SRD5A2: variants seen among roughly 807,000 people sequenced by gnomAD.
SRD5A2 encodes the protein 3-oxo-5-alpha-steroid 4-dehydrogenase 2.
A neutral mutation model predicts 27.4 loss-of-function variants in SRD5A2; 30 were observed. The ratio of observed to expected loss-of-function variants is 1.10; its 90% CI spans 0.82 to 1.49. The LOEUF (loss-of-function observed/expected upper bound fraction) is 1.49. Ranked by LOEUF, SRD5A2 falls within the 40% of genes most tolerant of loss-of-function variation. The probability of loss-of-function intolerance (pLI) is 0.00; values close to 1 mark genes in which losing one functional copy is unlikely to be tolerated. For missense variants in SRD5A2, 348 were observed against 323.4 expected (o/e 1.08, Z -0.58); for synonymous variants, 141 against 133.6 (o/e 1.06, Z -0.38).
the SRD5A2 span, among the ~76,000 whole-genome samples, chr2:31,591,509 C>T: frequency 6.6e-6 from 1 of 151,930 alleles, no homozygotes; most frequent in Admixed American, 6.6e-5. Flanking sequence ...CTAGTTCAAC[C>T]ATTGTGGAAG....
At chr2:31,580,539 G>C (rs1030465983) in intron 1 of SRD5A2, 81 bp downstream of exon 1, 2 of 1,410,562 alleles carry the variant, frequency 1.4e-6, no homozygotes, top group South Asian at 3.0e-5. Flanking sequence ...GCGTTCCTCG[G>C]TGCGCGCTCC....
chr2:31,533,820 C>G (rs889533597), intron 1 of SRD5A2, 54 bp from the exon 2 acceptor site: 107 of 1,542,640 alleles, frequency 6.9e-5, no homozygotes, highest in Non-Finnish European at 8.6e-5. Flanking sequence ...AGAACATGGT[C>G]TCATCCCCAC....
intron 3 of SRD5A2, among the ~76,000 whole-genome samples, chr2:31,530,994 C>T (rs758835693): frequency 9.9e-5 from 15 of 152,196 alleles, no homozygotes; most frequent in Non-Finnish European, 1.8e-4. Flanking sequence ...GGAGGGGACA[C>T]ATTTATTGGC....
chr2:31,646,657 A>AC, the SRD5A2 span, among the ~76,000 whole-genome samples: 5 of 152,164 alleles, frequency 3.3e-5, no homozygotes, highest in Admixed American at 3.3e-4. Context: ...GAAGAAGAGA[A>AC]CAAATATGAG....
chr2:31,569,080 G>A (rs1000548715), intron 1 of SRD5A2, among the ~76,000 whole-genome samples: 4 of 152,298 alleles, frequency 2.6e-5, no homozygotes, highest in East Asian at 1.9e-4. Context: ...CTGCAGCTGC[G>A]CCAAGGAGCA....
chr2:31,627,041 T>C, the SRD5A2 span, among the ~76,000 whole-genome samples: 3 of 151,900 alleles, frequency 2.0e-5, no homozygotes, highest in Non-Finnish European at 4.4e-5. Flanking sequence ...TCAGAACCTG[T>C]TATTGGTCTA....
At position 31,564,532 on chromosome 2, in the gene SRD5A2, C is replaced by T. The variant is rs181962411; in HGVS notation, c.281+16088G>A. On this transcript the variant is annotated intron_variant, in intron 1 of 4. Coordinates refer to ENST00000622030, the MANE Select transcript of SRD5A2 (RefSeq NM_000348.4). ...AATCGTCCAATTTTGATGAAAGACT[C>T]AAGCTCATGGATTCAAGTTTAAGGA... Among the ~76,000 whole-genome samples the T allele has an allele frequency of 1.0e-3, 158 of 152,002 alleles. 1 individual carries two copies. The highest frequency in any genetic ancestry group is 3.5e-3 in the African/African-American group (146 of 41,526).
At chr2:31,607,872 G>A in the SRD5A2 span, among the ~76,000 whole-genome samples, 1 of 151,968 alleles carries the variant, frequency 6.6e-6, no homozygotes, top group African/African-American at 2.4e-5. Flanking sequence ...ATTTGGGGAG[G>A]TAATTATTAG....
chr2:31,619,436 A>G, the SRD5A2 span, among the ~76,000 whole-genome samples: 1 of 152,146 alleles, frequency 6.6e-6, no homozygotes, highest in African/African-American at 2.4e-5. Flanking sequence ...AATGATTTAC[A>G]TTCCTTTAGG....
the SRD5A2 span, among the ~76,000 whole-genome samples, chr2:31,600,715 C>A: frequency 1.9e-4 from 29 of 151,832 alleles, no homozygotes; most frequent in Non-Finnish European, 1.0e-4. Flanking sequence ...TTCTATGAGG[C>A]CAGTGTTACC....
chr2:31,586,681 T>C, the SRD5A2 span, among the ~76,000 whole-genome samples: 1 of 152,150 alleles, frequency 6.6e-6, no homozygotes, highest in African/African-American at 2.4e-5. Context: ...AACCATAGCA[T>C]TACTGGGATT....
chr2:31,626,097 C>G, the SRD5A2 span, among the ~76,000 whole-genome samples: 1 of 152,062 alleles, frequency 6.6e-6, no homozygotes, highest in Non-Finnish European at 1.5e-5. Flanking sequence ...AGTTGGATTC[C>G]TAGGTATTTT....
At chr2:31,627,294 TG>T in the SRD5A2 span, among the ~76,000 whole-genome samples, 2 of 152,238 alleles carry the variant, frequency 1.3e-5, no homozygotes, top group South Asian at 4.1e-4. Context: ...TGTATTTCTG[TG>T]GGTTCAGTGG....
chr2:31,547,406 G>A lies in SRD5A2; in HGVS notation c.282-13640C>T, dbSNP rs139811196. On this transcript the variant is annotated intron_variant, in intron 1 of 4. Coordinates refer to ENST00000622030, the MANE Select transcript of SRD5A2 (RefSeq NM_000348.4). ...TGGGCTACCCCAGGTGCATCTGTGA[G>A]GGTGTTTCTGGAAGAGATTGGCATT... Among the ~76,000 whole-genome samples the A allele has an allele frequency of 5.5e-4, 84 of 152,322 alleles. 1 individual carries two copies. In the South Asian group the frequency reaches 0.014, roughly 26 times the overall value.
At chr2:31,626,643 T>C in the SRD5A2 span, among the ~76,000 whole-genome samples, 3 of 152,202 alleles carry the variant, frequency 2.0e-5, no homozygotes, top group Admixed American at 2.0e-4. Context: ...GTTCTGTTTA[T>C]ATGATGGATT....
At chr2:31,529,774 T>G (rs1490531193) in intron 3 of SRD5A2, among the ~76,000 whole-genome samples, 1 of 152,198 alleles carries the variant, frequency 6.6e-6, no homozygotes, top group Non-Finnish European at 1.5e-5. Context: ...GTCTGGTTTT[T>G]GTTTTGTTCT....
the SRD5A2 span, among the ~76,000 whole-genome samples, chr2:31,600,453 T>C: frequency 6.6e-6 from 1 of 151,984 alleles, no homozygotes; most frequent in Non-Finnish European, 1.5e-5. Context: ...ATTCCCATCA[T>C]CATTGTAAAA....
chr2:31,548,974 C>T (rs966902071), intron 1 of SRD5A2, among the ~76,000 whole-genome samples: 4 of 151,556 alleles, frequency 2.6e-5, no homozygotes, highest in African/African-American at 4.9e-5. Flanking sequence ...AAGCCAGTCA[C>T]GAGAAGACAA....
the SRD5A2 span, among the ~76,000 whole-genome samples, chr2:31,613,169 G>A: frequency 3.5e-3 from 527 of 152,200 alleles, 15 homozygotes; most frequent in East Asian, 0.075. Context: ...ATACAAACGG[G>A]ATTGTATCAA....
Sources: gnomAD v4.1 joint callset for allele counts (sites outside exome capture counted in the v4.1 genomes callset) on GRCh38, gnomAD v4.1.1 for gene constraint, MANE v1.5 for transcripts, NCBI Gene and HGNC (gene_info 2026-07-23, HGNC 2026-07-21) for gene names.